The following DLGAP2 variants were observed in gnomAD, a reference collection of about 807,000 sequenced individuals.
DLGAP2 encodes the protein DLG associated protein 2, also known as disks large-associated protein 2.
Under a neutral mutation model 100.3 loss-of-function variants are expected in DLGAP2, and 26 were observed. That is an observed-to-expected ratio of 0.26 (90% CI 0.19 to 0.36). The LOEUF (loss-of-function observed/expected upper bound fraction) is 0.36. Ranked by LOEUF, DLGAP2 falls within the 10% of genes least tolerant of loss-of-function variation. The pLI, the probability that DLGAP2 is intolerant of heterozygous loss-of-function variation, is 1.00. For missense variants in DLGAP2, 1,858 were observed against 1,453.2 expected (o/e 1.28, Z -4.53); for synonymous variants, 886 against 630.1 (o/e 1.41, Z -6.08).
chr8:1,287,157 T>TGTGTGTGTGC lies in DLGAP2; in HGVS notation c.106+28275_106+28276insTGTGTGTGCG, dbSNP rs1315463950. 2.0e-3 allele frequency among the ~76,000 whole-genome samples: 198 copies of TGTGTGTGTGC among 99,512 alleles called. 9 individuals carry two copies. Among genetic ancestry groups the TGTGTGTGTGC allele is most frequent in the African/African-American group, 5.2e-3 (161 of 30,878 alleles). The allele number at this position is 99,512 out of a possible 152,430, so 65.3% of individuals were successfully genotyped here. On this transcript the variant is annotated intron_variant, in intron 3 of 14. Coordinates refer to ENST00000637795, the MANE Select transcript of DLGAP2 (RefSeq NM_001346810.2). ...GTGTGTGTGTGTGTGTGTGTGTGTG[T>TGTGTGTGTGC]GCGCGCGCGCGCGTGGTTCTGTTAG...
intron 1 of DLGAP2, among the ~76,000 whole-genome samples, chr8:824,110 T>C (rs1157656720): frequency 1.3e-5 from 2 of 152,082 alleles, no homozygotes; most frequent in African/African-American, 4.8e-5. Flanking sequence ...TTTCTCCCTC[T>C]GTCACTCAGG....
intron 2 of DLGAP2, among the ~76,000 whole-genome samples, chr8:946,553 G>A (rs189515408): frequency 1.7e-3 from 252 of 152,168 alleles, no homozygotes; most frequent in African/African-American, 5.4e-3. Flanking sequence ...GTGAGCCACC[G>A]CGCCCGGCCC....
chr8:955,601 G>A (rs145713151), intron 2 of DLGAP2, among the ~76,000 whole-genome samples: 1 of 152,110 alleles, frequency 6.6e-6, no homozygotes, highest in East Asian at 1.9e-4. Flanking sequence ...TATAATACGT[G>A]GGATCTACTA....
chr8:1,583,509 G>A (rs1486129551), intron 6 of DLGAP2, among the ~76,000 whole-genome samples: 1 of 152,174 alleles, frequency 6.6e-6, no homozygotes, highest in East Asian at 1.9e-4. Context: ...CTGCTTTTGA[G>A]ACCTTGCAGA....
chr8:913,675 G>A (rs1798534652), intron 2 of DLGAP2, among the ~76,000 whole-genome samples: 1 of 152,242 alleles, frequency 6.6e-6, no homozygotes, highest in South Asian at 2.1e-4. Context: ...TAGAAAATGT[G>A]TGTGCATTTT....
chr8:1,264,362 G>T (rs1448780907), intron 3 of DLGAP2, among the ~76,000 whole-genome samples: 1 of 152,118 alleles, frequency 6.6e-6, no homozygotes, highest in South Asian at 2.1e-4. Flanking sequence ...ATCAAACCCA[G>T]ACACTCACCC....
intron 2 of DLGAP2, among the ~76,000 whole-genome samples, chr8:1,252,219 GTGT>G (rs1799060506): frequency 6.6e-6 from 1 of 151,176 alleles, no homozygotes; most frequent in Non-Finnish European, 1.5e-5. Context: ...TCACACTGTG[GTGT>G]TGTCACATGG....
intron 3 of DLGAP2, among the ~76,000 whole-genome samples, chr8:1,379,151 G>A (rs1212369238): frequency 1.3e-5 from 2 of 152,284 alleles, no homozygotes; most frequent in Non-Finnish European, 2.9e-5. Context: ...CCTGAGCCCT[G>A]CCTAGACTGT....
intron 3 of DLGAP2, among the ~76,000 whole-genome samples, chr8:1,441,550 T>C (rs1252807277): frequency 6.6e-6 from 1 of 151,782 alleles, no homozygotes; most frequent in Admixed American, 6.6e-5. Flanking sequence ...TAGCCAGGCG[T>C]GTTGGTGGGC....
chr8:1,104,114 C>T (rs1804676643), intron 2 of DLGAP2, among the ~76,000 whole-genome samples: 1 of 152,192 alleles, frequency 6.6e-6, no homozygotes, highest in African/African-American at 2.4e-5. Flanking sequence ...CATGCCAAGG[C>T]AGAGGGAGCC....
Position 1,361,868 on chromosome 8 carries a change from C to T in DLGAP2, c.106+102985C>T, listed in dbSNP as rs1048741928. Among the ~76,000 whole-genome samples the T allele has an allele frequency of 2.6e-5, 4 of 152,190 alleles. No individual in the cohort carries two copies. In the South Asian group the frequency reaches 6.2e-4, roughly 24 times the overall value. The stretch of plus-strand genomic sequence containing the variant: ...AGTGCAGGCCTGAGCCCGGCTCCCA[C>T]GGTTTCATTTCCGCTGGTTCTGTGC... On this transcript the variant is annotated intron_variant, in intron 3 of 14. Transcript: ENST00000637795.
At chr8:1,355,674 T>G (rs1801831920) in intron 3 of DLGAP2, among the ~76,000 whole-genome samples, 1 of 152,090 alleles carries the variant, frequency 6.6e-6, no homozygotes, top group Admixed American at 6.5e-5. Context: ...AGTACGAGTA[T>G]TTTTTAATGA....
intron 4 of DLGAP2, among the ~76,000 whole-genome samples, chr8:1,548,192 G>T (rs1392263301): frequency 6.6e-6 from 1 of 152,072 alleles, no homozygotes; most frequent in Non-Finnish European, 1.5e-5. Context: ...GGGTGTCCTG[G>T]CTCATATCTG....
intron 3 of DLGAP2, among the ~76,000 whole-genome samples, chr8:1,439,619 G>A (rs958292132): frequency 2.1e-4 from 32 of 152,260 alleles, no homozygotes; most frequent in African/African-American, 7.5e-4. Flanking sequence ...CAAATAGAAC[G>A]TTGCAGGCAG....
intron 2 of DLGAP2, among the ~76,000 whole-genome samples, chr8:1,242,227 A>T (rs2116861212): frequency 6.6e-6 from 1 of 152,232 alleles, no homozygotes; most frequent in Middle Eastern, 3.4e-3. Context: ...GGCCTGAGAG[A>T]GGCCTGATGT....
chr8:1,201,522 G>C (rs1797873778), intron 2 of DLGAP2, among the ~76,000 whole-genome samples: 1 of 152,256 alleles, frequency 6.6e-6, no homozygotes, highest in Admixed American at 6.5e-5. Flanking sequence ...AGCCCAGGGA[G>C]TCCGTTTTGG....
rs1310850077 is a variant in DLGAP2 at position 1,279,911 on chromosome 8, G to A, written c.106+21028G>A. Reference sequence around the variant, plus strand: ...CACGCCAAGGAAGGGGTTCATACACGTTCACACACAGGCTTGAGAACCAGG... The same window carrying A: ...CACGCCAAGGAAGGGGTTCATACACATTCACACACAGGCTTGAGAACCAGG... On this transcript the variant is annotated intron_variant, in intron 3 of 14. Coordinates refer to ENST00000637795, the MANE Select transcript of DLGAP2 (RefSeq NM_001346810.2). Among the ~76,000 whole-genome samples the A allele has an allele frequency of 7.2e-5, 11 of 152,298 alleles. No homozygotes were observed. The East Asian group carries it at 1.4e-3, about 19-fold the overall frequency.
chr8:1,114,435 A>G (rs1805054805), intron 2 of DLGAP2, among the ~76,000 whole-genome samples: 1 of 152,060 alleles, frequency 6.6e-6, no homozygotes, highest in Non-Finnish European at 1.5e-5. Flanking sequence ...GGGAGGGTGT[A>G]AGTGTCCAGG....
intron 3 of DLGAP2, among the ~76,000 whole-genome samples, chr8:1,271,068 G>A (rs968306569): frequency 1.4e-4 from 22 of 152,122 alleles, no homozygotes; most frequent in Non-Finnish European, 2.1e-4. Context: ...CTTTCCCCAC[G>A]TCTTCATGAA....
Sources: allele counts gnomAD v4.1 joint callset (sites outside exome capture counted in the v4.1 genomes callset), GRCh38; gene constraint gnomAD v4.1.1; transcripts MANE v1.5; gene names NCBI Gene and HGNC (gene_info 2026-07-23, HGNC 2026-07-21).